FRAS1: variants seen among roughly 807,000 people sequenced by gnomAD.
FRAS1 encodes the protein extracellular matrix organizing protein FRAS1.
In FRAS1, 290 loss-of-function variants were observed where a neutral mutation model predicts 435.2. The ratio of observed to expected loss-of-function variants is 0.67; its 90% confidence interval spans 0.61 to 0.73. The LOEUF is 0.73. Among genes scored for constraint, FRAS1 ranks in the 30% least tolerant of loss-of-function variants. The pLI is 0.00. For synonymous variants in FRAS1, 1,800 were observed against 1,851.0 expected, an observed-to-expected ratio of 0.97 and a Z score of 0.71; for missense variants, 4,860 against 5,001.5, an observed-to-expected ratio of 0.97 and a Z score of 0.85.
At chr4:78,281,465 C>T in intron 11 of FRAS1, 32 bp downstream of exon 11, 1 of 1,448,160 alleles carries the variant, frequency 6.9e-7, no homozygotes, top group South Asian at 1.3e-5. Context: ...GCACGTAGAT[C>T]ATTATAAAAT....
rs924872531 is a variant in FRAS1 at position 78,539,316 on chromosome 4, C to A, written c.11321C>A (p.Thr3774Asn). The A allele has an allele frequency of 6.2e-7, 1 of 1,609,782 alleles. No individual in the cohort carries two copies. Among genetic ancestry groups the A allele is most frequent in the African/African-American group, 1.3e-5 (1 of 74,616 alleles). ...TAGGACCGCAATCAGCCAGAGGTAA[C>A]TGATAAGTACTTCCATGATGTGCCT... ...LLLDRNQPEV[T>N]DKYFHDVPFE... Residue 3774 changes from threonine to asparagine, a missense_variant, in exon 73 of 74, where the codon ACT (threonine) becomes AAT (asparagine). Transcript: ENST00000512123.
rs750452535 is a variant in FRAS1, at chr4:78,466,237, G to A, written c.7059G>A (p.Gln2353=). ...EAESVTFTIV[Q]PPRHGTIERT... is the part of the protein sequence containing the mutation. ...AGTCTGTCACATTCACCATCGTGCAGCCTCCACGCCATGGCACCATCGAGC... is the reference window on the plus strand; with the variant it reads ...AGTCTGTCACATTCACCATCGTGCAACCTCCACGCCATGGCACCATCGAGC... Residue 2353 remains glutamine (Q), a synonymous_variant, in exon 50 of 74, where the codon CAG becomes CAA. Coordinates refer to ENST00000512123, the MANE Select transcript of FRAS1 (RefSeq NM_025074.7). The A allele has an allele frequency of 6.8e-6, 11 of 1,613,900 alleles. No homozygotes were observed. In the South Asian group the frequency reaches 9.9e-5, roughly 14 times the overall value.
intron 47 of FRAS1, among the ~76,000 whole-genome samples, chr4:78,456,046 G>A (rs1044587225): frequency 6.6e-6 from 1 of 151,942 alleles, no homozygotes; most frequent in African/African-American, 2.4e-5. Context: ...CAGCAGCTGT[G>A]GTCCTCCTCC....
chr4:78,536,798 C>T (rs72873312), intron 71 of FRAS1, among the ~76,000 whole-genome samples, 197 bp from the exon 72 acceptor site: 22,958 of 151,778 alleles, frequency 0.15, 1,973 homozygotes, highest in Non-Finnish European at 0.21. Context: ...CAAGAAAACT[C>T]AGAGAAAAAA....
chr4:78,207,432 A>G (rs1281741348), intron 2 of FRAS1, among the ~76,000 whole-genome samples: 2 of 152,210 alleles, frequency 1.3e-5, no homozygotes, highest in African/African-American at 4.8e-5. Context: ...AAAGCAAAGT[A>G]CTTTTTTCCA....
chr4:78,387,372 C>T lies in FRAS1; in HGVS notation c.3649-3C>T, dbSNP rs767384977. On this transcript the variant is annotated splice_region_variant and splice_polypyrimidine_tract_variant and intron_variant, in intron 28 of 73. Coordinates refer to ENST00000512123, the MANE Select transcript of FRAS1 (RefSeq NM_025074.7). ...CTGACTCTTCTTCCCTTCAACTCCA[C>T]AGGCCCCCTATGTGCTGAGAAATGA... The T allele has an allele frequency of 5.0e-6, 8 of 1,594,184 alleles. No homozygotes were observed. Among genetic ancestry groups the T allele is most frequent in the Middle Eastern group, 1.7e-4 (1 of 5,988 alleles).
chr4:78,194,391 C>T lies in FRAS1; in HGVS notation c.109-43119C>T, dbSNP rs527909088. Among the ~76,000 whole-genome samples the T allele has an allele frequency of 1.0e-3, 152 of 152,340 alleles. 1 individual carries two copies. The highest frequency in any genetic ancestry group is 3.6e-3 in the African/African-American group (149 of 41,584). ...TTTTACAACTTGGTTCCATTCTCCC[C>T]GTCACTTTCAGGTACACCAATCAGA... On this transcript the variant is annotated intron_variant, in intron 2 of 73. Transcript: ENST00000512123.
chr4:78,307,950 T>G, intron 14 of FRAS1, 116 bp from the exon 15 acceptor site: 1 of 1,020,782 alleles, frequency 9.8e-7, no homozygotes, highest in East Asian at 2.6e-5. Flanking sequence ...AATAGCAGTT[T>G]AGGAACTAAG....
intron 47 of FRAS1, among the ~76,000 whole-genome samples, chr4:78,454,226 C>A (rs1719116684): frequency 6.6e-6 from 1 of 151,448 alleles, no homozygotes; most frequent in African/African-American, 2.4e-5. Context: ...ACATCAACAT[C>A]CTGAGGCAGG....
intron 2 of FRAS1, among the ~76,000 whole-genome samples, chr4:78,132,917 C>T (rs140409486): frequency 7.9e-5 from 12 of 152,266 alleles, no homozygotes; most frequent in South Asian, 6.2e-4. Context: ...TGCTGGCCCA[C>T]GCCACACTTG....
chr4:78,282,229 G>T (rs114187131), intron 11 of FRAS1, among the ~76,000 whole-genome samples: 1 of 152,166 alleles, frequency 6.6e-6, no homozygotes, highest in East Asian at 1.9e-4. Flanking sequence ...GTTCTCTGCC[G>T]ACTACTAATG....
chr4:78,474,991 TC>T lies in FRAS1; in HGVS notation c.7683-445del, dbSNP rs1426298427. 6.6e-5 allele frequency among the ~76,000 whole-genome samples: 10 copies of T among 152,338 alleles called. 1 individual carries two copies. Among genetic ancestry groups the T allele is most frequent in the East Asian group, 3.9e-4 (2 of 5,194 alleles). The stretch of plus-strand genomic sequence containing the variant: ...TTCTTACCTCTGCTTCTGCTCTGAC[TC>T]CATCACACAGTTCCTGGAGATCTGG... On this transcript the variant is annotated intron_variant, in intron 53 of 73. Coordinates refer to ENST00000512123, the MANE Select transcript of FRAS1 (RefSeq NM_025074.7).
intron 2 of FRAS1, among the ~76,000 whole-genome samples, chr4:78,075,650 G>A (rs1740602837): frequency 6.6e-6 from 1 of 152,142 alleles, no homozygotes; most frequent in African/African-American, 2.4e-5. Context: ...CTTTAAAATA[G>A]AGATAATAGT....
intron 32 of FRAS1, among the ~76,000 whole-genome samples, chr4:78,417,501 G>T (rs1365163341): frequency 6.6e-6 from 1 of 152,162 alleles, no homozygotes; most frequent in African/African-American, 2.4e-5. Flanking sequence ...CTTATATAGG[G>T]CATATAGTTT....
intron 31 of FRAS1, among the ~76,000 whole-genome samples, chr4:78,408,322 A>G (rs981114552): frequency 1.3e-5 from 2 of 152,130 alleles, no homozygotes; most frequent in Non-Finnish European, 2.9e-5. Flanking sequence ...TATCAGTGGA[A>G]TTCCCTACAA....
intron 18 of FRAS1, among the ~76,000 whole-genome samples, chr4:78,323,728 A>G (rs1729600270): frequency 6.6e-6 from 1 of 152,188 alleles, no homozygotes; most frequent in Non-Finnish European, 1.5e-5. Context: ...CAGACAGAGC[A>G]AAGGATCTAG....
intron 33 of FRAS1, among the ~76,000 whole-genome samples, chr4:78,421,105 A>T (rs576270688): frequency 1.3e-5 from 2 of 151,638 alleles, no homozygotes; most frequent in East Asian, 3.9e-4. Flanking sequence ...AGGCTAAGCC[A>T]GTCTAGTCTT....
chr4:78,149,614 T>C (rs923147398), intron 2 of FRAS1, among the ~76,000 whole-genome samples: 6 of 152,240 alleles, frequency 3.9e-5, no homozygotes, highest in Admixed American at 3.9e-4. Flanking sequence ...TAATCTATTT[T>C]GGAGATCTTT....
At chr4:78,237,351 T>C (rs1337049088) in intron 2 of FRAS1, among the ~76,000 whole-genome samples, 159 bp from the exon 3 acceptor site, 1 of 152,168 alleles carries the variant, frequency 6.6e-6, no homozygotes, top group Non-Finnish European at 1.5e-5. Flanking sequence ...TATTGCCTTG[T>C]GGGGTTTAAT....
Sources: allele counts gnomAD v4.1 joint callset (sites outside exome capture counted in the v4.1 genomes callset), GRCh38; gene constraint gnomAD v4.1.1; transcripts MANE v1.5; gene names NCBI Gene and HGNC (gene_info 2026-07-23, HGNC 2026-07-21).